The following SLC25A21 variants were observed in gnomAD, a reference collection of about 807,000 sequenced individuals.
The protein encoded by SLC25A21 is solute carrier family 25 member 21.
SLC25A21 carries 47 observed loss-of-function variants against 43.8 expected under a neutral mutation model. That is an observed-to-expected ratio of 1.07 (90% confidence interval 0.85 to 1.37). SLC25A21 has a LOEUF of 1.37. Among genes scored for constraint, SLC25A21 ranks in the 40% most tolerant of loss-of-function variants. The pLI is 0.00. For missense variants in SLC25A21, 352 were observed against 350.2 expected (o/e 1.00, Z -0.04); for synonymous variants, 131 against 121.3 (o/e 1.08, Z -0.52).
In SLC25A21 at chr14:36,689,087, TAA is replaced by T. The variant is rs1882681565; in HGVS notation, c.604-4164_604-4163del. ...GGGCAATTTACAAAAGAAAGAGGTT[TAA>T]CTGGACTTACAGTTCCACATGGTTG... On this transcript the variant is annotated intron_variant, in intron 7 of 9. Coordinates refer to ENST00000331299, the MANE Select transcript of SLC25A21 (RefSeq NM_030631.4). Among the ~76,000 whole-genome samples, 7 of 152,348 alleles carry T rather than the reference TAA, an allele frequency of 4.6e-5. No individual in the cohort carries two copies. The South Asian group carries it at 1.4e-3, about 32-fold the overall frequency.
chr14:36,927,638 A>T (rs1185865423), intron 1 of SLC25A21, among the ~76,000 whole-genome samples: 1 of 152,180 alleles, frequency 6.6e-6, no homozygotes, highest in East Asian at 1.9e-4. Flanking sequence ...TATCTGGATG[A>T]TCAGGAAGTA....
At chr14:36,874,935 C>T (rs1221732281) in intron 2 of SLC25A21, 21 bp downstream of exon 2, 3 of 1,603,250 alleles carry the variant, frequency 1.9e-6, no homozygotes, top group Non-Finnish European at 2.6e-6. Context: ...GTCAATAAAA[C>T]TTGTTCATGC....
intron 7 of SLC25A21, among the ~76,000 whole-genome samples, chr14:36,699,591 T>A (rs1228944697): frequency 6.6e-6 from 1 of 152,196 alleles, no homozygotes; most frequent in Non-Finnish European, 1.5e-5. Context: ...CGTTGAGCTG[T>A]GGTGGGCTCC....
Position 36,678,848 on chromosome 14 carries a change from A to AAAAG in SLC25A21, c.*1806_*1809dup. 1 of 977,558 alleles carries AAAAG rather than the reference A, an allele frequency of 1.0e-6. No homozygotes were observed. The highest frequency in any genetic ancestry group is 1.2e-6 in the Non-Finnish European group (1 of 817,900). The allele number at this position is 977,558 out of a possible 1,614,324, so 60.6% of individuals were successfully genotyped here. On this transcript the variant is annotated 3_prime_UTR_variant, in exon 10 of 10. Coordinates refer to ENST00000331299, the MANE Select transcript of SLC25A21 (RefSeq NM_030631.4). ...AGTGAATTCACATGGAGTAATTTTT[A>AAAAG]AAAGATATCAGATACAATTTGCTAT...
intron 1 of SLC25A21, among the ~76,000 whole-genome samples, chr14:36,932,937 G>A (rs1051271267): frequency 2.6e-5 from 4 of 152,002 alleles, no homozygotes; most frequent in African/African-American, 7.3e-5. Context: ...GATTAAATAA[G>A]TAAAAGCACA....
chr14:36,807,255 C>G (rs895331134), intron 3 of SLC25A21: 2 of 152,318 alleles, frequency 1.3e-5, no homozygotes, highest in African/African-American at 2.4e-5. Flanking sequence ...ATAAAAGCAA[C>G]CAGCCCCAGG....
intron 4 of SLC25A21, among the ~76,000 whole-genome samples, chr14:36,733,408 A>T (rs549957415): frequency 6.7e-4 from 102 of 152,338 alleles, no homozygotes; most frequent in African/African-American, 2.4e-3. Flanking sequence ...CAAAACCTAT[A>T]CCAACAAAGA....
chr14:37,166,968 T>C (rs1964039766), intron 1 of SLC25A21, among the ~76,000 whole-genome samples: 1 of 152,124 alleles, frequency 6.6e-6, no homozygotes, highest in Non-Finnish European at 1.5e-5. Flanking sequence ...ATCAGATTGT[T>C]CCCTTATCTC....
intron 3 of SLC25A21, among the ~76,000 whole-genome samples, chr14:36,777,257 CA>C (rs1297721708): frequency 6.6e-6 from 1 of 151,524 alleles, no homozygotes; most frequent in Non-Finnish European, 1.5e-5. Context: ...GACTCTGTCT[CA>C]AAAAAACAAA....
At chr14:36,913,695 A>G (rs1477686007) in intron 1 of SLC25A21, among the ~76,000 whole-genome samples, 34 of 152,224 alleles carry the variant, frequency 2.2e-4, no homozygotes, top group Admixed American at 2.2e-3. Context: ...GACAAATGAT[A>G]TGTTGTTAAA....
At chr14:36,913,057 A>G (rs1891734853) in intron 1 of SLC25A21, among the ~76,000 whole-genome samples, 1 of 152,094 alleles carries the variant, frequency 6.6e-6, no homozygotes. Context: ...CTTTTGAAAG[A>G]CAACAGCAGA....
intron 1 of SLC25A21, among the ~76,000 whole-genome samples, chr14:36,985,380 C>G (rs558103491): frequency 6.6e-6 from 1 of 151,706 alleles, no homozygotes; most frequent in South Asian, 2.1e-4. Context: ...AAATGTGAAC[C>G]ATGGTTAAAA....
chr14:36,991,958 G>A (rs1960272782), intron 1 of SLC25A21, among the ~76,000 whole-genome samples: 1 of 152,208 alleles, frequency 6.6e-6, no homozygotes, highest in African/African-American at 2.4e-5. Flanking sequence ...ATGAGATTGG[G>A]TGACATAATC....
intron 1 of SLC25A21, among the ~76,000 whole-genome samples, chr14:37,089,336 C>A (rs556845959): frequency 6.6e-6 from 1 of 152,192 alleles, no homozygotes; most frequent in Admixed American, 6.5e-5. Flanking sequence ...AACCTTCCTA[C>A]CTAGGGGAAG....
intron 2 of SLC25A21, among the ~76,000 whole-genome samples, chr14:36,861,040 T>A (rs1009369735): frequency 1.3e-5 from 2 of 152,208 alleles, no homozygotes; most frequent in African/African-American, 4.8e-5. Flanking sequence ...TAGAGTTGCA[T>A]CCAGCTCTAT....
intron 1 of SLC25A21, among the ~76,000 whole-genome samples, chr14:36,976,670 T>C (rs1365998843): frequency 6.6e-6 from 1 of 152,196 alleles, no homozygotes; most frequent in Admixed American, 6.5e-5. Flanking sequence ...GCAAGGCTGA[T>C]GCAAGCCAGA....
intron 1 of SLC25A21, among the ~76,000 whole-genome samples, chr14:36,933,355 T>C (rs946419329): frequency 6.6e-6 from 1 of 152,084 alleles, no homozygotes; most frequent in Non-Finnish European, 1.5e-5. Flanking sequence ...GGATCATGCA[T>C]CCCCTGAAGG....
chr14:36,811,877 T>C (rs1209542522), intron 3 of SLC25A21, among the ~76,000 whole-genome samples: 2 of 152,004 alleles, frequency 1.3e-5, no homozygotes, highest in Admixed American at 6.6e-5. Context: ...GGTTAGAGAA[T>C]TTTTTTTAAT....
intron 1 of SLC25A21, among the ~76,000 whole-genome samples, chr14:36,953,183 A>G (rs1031122944): frequency 6.6e-5 from 10 of 152,206 alleles, no homozygotes; most frequent in Non-Finnish European, 2.9e-5. Context: ...AATGTGCTTG[A>G]ACTTTAAAAT....
Sources: allele counts gnomAD v4.1 joint callset (sites outside exome capture counted in the v4.1 genomes callset), GRCh38; gene constraint gnomAD v4.1.1; transcripts MANE v1.5; gene names NCBI Gene and HGNC (gene_info 2026-07-23, HGNC 2026-07-21).